COPS4: variants seen among roughly 807,000 people sequenced by gnomAD.
COPS4 encodes COP9 signalosome subunit 4.
A neutral mutation model predicts 55.1 loss-of-function variants in COPS4; 8 were observed. That is an observed-to-expected ratio of 0.15 (90% CI 0.09 to 0.26). COPS4 has a LOEUF of 0.26. Among genes scored for constraint, COPS4 ranks in the 10% least tolerant of loss-of-function variants. The pLI is 1.00. For missense variants in COPS4, 248 were observed against 484.0 expected (o/e 0.51, Z 4.58); for synonymous variants, 185 against 165.7 (o/e 1.12, Z -0.90).
chr4:83,051,899 C>T (rs1023741439), intron 4 of COPS4, among the ~76,000 whole-genome samples: 11 of 152,094 alleles, frequency 7.2e-5, no homozygotes, highest in Admixed American at 6.6e-4. Context: ...AAGGATTATC[C>T]ATTGAGGTAA....
intron 7 of COPS4, among the ~76,000 whole-genome samples, chr4:83,064,426 T>A (rs1241909613): frequency 6.6e-6 from 1 of 152,214 alleles, no homozygotes; most frequent in Non-Finnish European, 1.5e-5. Flanking sequence ...TTCACATTGT[T>A]GTGCAGCCAT....
intron 1 of COPS4, among the ~76,000 whole-genome samples, chr4:83,044,335 C>T (rs1260096423): frequency 6.6e-6 from 1 of 151,276 alleles, no homozygotes; most frequent in Non-Finnish European, 1.5e-5. Context: ...GTCCTCGCTA[C>T]TCTGGAGGCT....
intron 3 of COPS4, 57 bp downstream of exon 3, chr4:83,049,374 T>A (rs1730800854): frequency 7.0e-7 from 1 of 1,429,274 alleles, no homozygotes; most frequent in Non-Finnish European, 9.5e-7. Flanking sequence ...ATTTTGAGAA[T>A]CTGATATTAG....
chr4:83,057,506 A>G, intron 6 of COPS4, 98 bp downstream of exon 6: 2 of 887,874 alleles, frequency 2.3e-6, no homozygotes, highest in South Asian at 2.1e-5. Flanking sequence ...ACTATTCTTC[A>G]AAAGGATGTC....
chr4:83,040,143 AGTTTCTAAGTTGG>A (rs1313890743), intron 1 of COPS4, among the ~76,000 whole-genome samples: 1 of 152,020 alleles, frequency 6.6e-6, no homozygotes, highest in African/African-American at 2.4e-5. Context: ...TACTCCATTG[AGTTTCTAAGTTGG>A]GTTGTATTTT....
At chr4:83,065,685 T>A (rs1731276534) in intron 7 of COPS4, among the ~76,000 whole-genome samples, 1 of 152,246 alleles carries the variant, frequency 6.6e-6, no homozygotes, top group Non-Finnish European at 1.5e-5. Flanking sequence ...ATTCTATGCC[T>A]GATCTTTCAG....
At chr4:83,035,378 C>A in intron 1 of COPS4, 80 bp downstream of exon 1, 1 of 1,214,536 alleles carries the variant, frequency 8.2e-7, no homozygotes, top group South Asian at 1.3e-5. Context: ...TTGGCCACGG[C>A]TCTTGGGCGT....
intron 7 of COPS4, among the ~76,000 whole-genome samples, chr4:83,065,446 C>T (rs1263025855): frequency 9.2e-5 from 14 of 152,026 alleles, no homozygotes; most frequent in Admixed American, 7.9e-4. Flanking sequence ...ACTAGCAGAT[C>T]GTGGGTGGAA....
intron 1 of COPS4, among the ~76,000 whole-genome samples, chr4:83,038,980 G>A (rs1463932739): frequency 6.6e-6 from 1 of 152,110 alleles, no homozygotes; most frequent in Non-Finnish European, 1.5e-5. Flanking sequence ...CTTTAATTTT[G>A]TGTAGCTTCA....
chr4:83,043,199 G>T (rs1472169993), intron 1 of COPS4, among the ~76,000 whole-genome samples: 1 of 151,780 alleles, frequency 6.6e-6, no homozygotes, highest in African/African-American at 2.4e-5. Flanking sequence ...CAGATTAGTT[G>T]ATTGATTATG....
chr4:83,051,171 G>A (rs1730879941), intron 4 of COPS4, among the ~76,000 whole-genome samples: 1 of 14,212 alleles, frequency 7.0e-5, no homozygotes, highest in African/African-American at 3.3e-4. Context: ...GGCTGAGGCG[G>A]GAGGATCGCT....
chr4:83,063,764 C>T (rs1398525667), intron 7 of COPS4, among the ~76,000 whole-genome samples: 1 of 149,340 alleles, frequency 6.7e-6, no homozygotes, highest in Non-Finnish European at 1.5e-5. Context: ...GGCTGGAGTG[C>T]AATGGTGCGA....
Position 83,075,226 on chromosome 4 carries a change from T to C in COPS4, c.1088-71T>C, listed in dbSNP as rs1731543487. The C allele has an allele frequency of 2.8e-6, 4 of 1,427,756 alleles. No homozygotes were observed. The Admixed American group carries it at 7.6e-5, about 27-fold the overall frequency. 88.4% of individuals were successfully genotyped at this position (1,427,756 alleles called of 1,614,324 possible). ...CAAGAATAGGCATGTAAAAAGTATA[T>C]ATCTTTTAACTCACAGTTGCTGTGA... is the stretch of plus-strand genomic sequence containing the variant. On this transcript the variant is annotated intron_variant, in intron 9 of 9. Transcript: ENST00000264389.
Position 83,075,279 on chromosome 4 carries a change from C to T in COPS4, c.1088-18C>T. 1 of 1,609,952 alleles carries T rather than the reference C, an allele frequency of 6.2e-7. No homozygotes were observed. The highest frequency in any genetic ancestry group is 1.1e-5 in the South Asian group (1 of 90,492). On this transcript the variant is annotated intron_variant, in intron 9 of 9. Transcript: ENST00000264389. ...ACAAAGGAATAATTTTAATTTTGTA[C>T]ATTTTTTTTCCCCTTAGCACGAGAA...
At chr4:83,050,164 T>C (rs1730854316) in intron 4 of COPS4, among the ~76,000 whole-genome samples, 180 bp downstream of exon 4, 1 of 152,146 alleles carries the variant, frequency 6.6e-6, no homozygotes, top group Non-Finnish European at 1.5e-5. Flanking sequence ...GGACAGGTTG[T>C]ATGTATATTT....
chr4:83,048,603 G>A (rs114807132), intron 2 of COPS4, among the ~76,000 whole-genome samples: 2,458 of 152,078 alleles, frequency 0.016, 71 homozygotes, highest in African/African-American at 0.056. Flanking sequence ...TAGAAAAGTT[G>A]TGTTATTTTT....
intron 9 of COPS4, among the ~76,000 whole-genome samples, chr4:83,069,865 C>A (rs937597783): frequency 1.3e-5 from 2 of 151,920 alleles, no homozygotes; most frequent in Non-Finnish European, 1.5e-5. Context: ...TTCTCTGATC[C>A]TTTCCCTTTC....
intron 9 of COPS4, among the ~76,000 whole-genome samples, chr4:83,070,882 C>T (rs985340428): frequency 6.6e-6 from 1 of 152,138 alleles, no homozygotes; most frequent in African/African-American, 2.4e-5. Context: ...ACAAAGTCTC[C>T]CAAAAGCTGG....
At chr4:83,057,782 C>T (rs1405307160) in intron 6 of COPS4, among the ~76,000 whole-genome samples, 19 of 151,594 alleles carry the variant, frequency 1.3e-4, no homozygotes, top group African/African-American at 4.6e-4. Flanking sequence ...ATTAGCCGGG[C>T]GTGGTGGCAG....
Sources: allele counts gnomAD v4.1 joint callset (sites outside exome capture counted in the v4.1 genomes callset), GRCh38; gene constraint gnomAD v4.1.1; transcripts MANE v1.5; gene names NCBI Gene and HGNC (gene_info 2026-07-23, HGNC 2026-07-21).